The following PIWIL4 variants were observed in gnomAD, a reference collection of about 807,000 sequenced individuals.
PIWIL4 encodes piwi-like protein 4.
PIWIL4 carries 50 observed loss-of-function variants against 100.9 expected under a neutral mutation model. The observed-to-expected ratio is 0.50, with a 90% CI of 0.39 to 0.63. The LOEUF is 0.63. Among genes scored for constraint, PIWIL4 ranks in the 20% least tolerant of loss-of-function variants. The pLI, the probability that PIWIL4 is intolerant of heterozygous loss-of-function variation, is 0.00. For missense variants in PIWIL4, 887 were observed against 1,043.3 expected (o/e 0.85, Z 2.06); for synonymous variants, 342 against 367.5 (o/e 0.93, Z 0.79).
Position 94,607,479 on chromosome 11 carries a change from A to T in PIWIL4, c.1679A>T (p.Asp560Val). ...ILPSNQKTYY[D>V]SIKKYLSSDC... Reference sequence around the variant, plus strand: ...CCTTCTAATCAGAAGACCTATTATGATTCCATTAAAAAATATTTGAGCTCA... The same window carrying T: ...CCTTCTAATCAGAAGACCTATTATGTTTCCATTAAAAAATATTTGAGCTCA... The change falls in exon 14 of 20, where the codon GAT becomes GTT. Residue 560 changes from aspartate (D) to valine (V), a missense_variant. By Grantham distance (152) the Asp-to-Val change is radical. Coordinates refer to ENST00000299001, the MANE Select transcript of PIWIL4 (RefSeq NM_152431.3). 1 of 1,614,004 alleles carries T rather than the reference A, an allele frequency of 6.2e-7. No homozygotes were observed. The highest frequency in any genetic ancestry group is 8.5e-7 in the Non-Finnish European group (1 of 1,179,976).
chr11:94,573,400 C>A (rs951171518), intron 2 of PIWIL4, among the ~76,000 whole-genome samples: 4 of 152,064 alleles, frequency 2.6e-5, no homozygotes, highest in South Asian at 2.1e-4. Flanking sequence ...GTTTTTGCCC[C>A]TTCAGTATGA....
At position 94,610,356 on chromosome 11, in the gene PIWIL4, A is replaced by G. The variant is rs564078542; in HGVS notation, c.1943+1670A>G. On this transcript the variant is annotated intron_variant, in intron 15 of 19. Transcript: ENST00000299001. The stretch of plus-strand genomic sequence containing the variant: ...CATACTGATTTCTTTTCCTTTGGAT[A>G]TATAGCCAGAGTGGGATTTCTGGAT... Among the ~76,000 whole-genome samples, 30 of 152,298 alleles carry G rather than the reference A, an allele frequency of 2.0e-4. 1 individual carries two copies. The South Asian group carries it at 4.8e-3, about 24-fold the overall frequency.
At chr11:94,582,232 T>C (rs1369814519) in intron 4 of PIWIL4, among the ~76,000 whole-genome samples, 3 of 152,074 alleles carry the variant, frequency 2.0e-5, no homozygotes, top group Admixed American at 6.6e-5. Context: ...ACATCCTTTG[T>C]TGTCTTAATC....
In PIWIL4 at chr11:94,621,124, A is replaced by G; in HGVS notation, c.*132A>G. 9.8e-6 allele frequency: 6 copies of G among 610,800 alleles called. No individual in the cohort carries two copies. Among genetic ancestry groups the G allele is most frequent in the Non-Finnish European group, 1.4e-5 (5 of 352,494 alleles). The allele number at this position is 610,800 out of a possible 1,614,324, so 37.8% of individuals were successfully genotyped here. A position where few individuals can be genotyped will look rare whatever the true frequency, so the allele number is the denominator to read the frequency against. ...CTTAGTTTTCATGTCTAGGAAAAAA[A>G]GCAAAACAACTTAATCTGAAACAGT... On this transcript the variant is annotated 3_prime_UTR_variant, in exon 20 of 20. Transcript: ENST00000299001.
chr11:94,571,838 C>G (rs1948158890), intron 2 of PIWIL4, among the ~76,000 whole-genome samples: 1 of 152,130 alleles, frequency 6.6e-6, no homozygotes, highest in African/African-American at 2.4e-5. Flanking sequence ...ATTTCTAGTT[C>G]TAGATCCTTG....
chr11:94,607,328 CT>C (rs1343348474), intron 13 of PIWIL4, 110 bp from the exon 14 acceptor site: 1 of 984,964 alleles, frequency 1.0e-6, no homozygotes, highest in Non-Finnish European at 1.5e-6. Context: ...TTCTTGGGAA[CT>C]TAAGGGTAAA....
At chr11:94,607,889 A>G (rs1341643543) in intron 14 of PIWIL4, among the ~76,000 whole-genome samples, 1 of 152,120 alleles carries the variant, frequency 6.6e-6, no homozygotes, top group Non-Finnish European at 1.5e-5. Flanking sequence ...CTATTTTAAA[A>G]TCTGTGTTCC....
intron 17 of PIWIL4, among the ~76,000 whole-genome samples, chr11:94,618,594 C>G (rs1446928223): frequency 2.6e-5 from 4 of 152,172 alleles, no homozygotes; most frequent in Non-Finnish European, 5.9e-5. Context: ...GAAATCAGAC[C>G]ATCCTGAACA....
In PIWIL4 at chr11:94,568,691, C is replaced by G. The variant is rs376307378; in HGVS notation, c.88-39C>G. The G allele has an allele frequency of 9.1e-5, 133 of 1,466,584 alleles. No individual in the cohort carries two copies. In the African/African-American group the frequency reaches 1.4e-3, roughly 16 times the overall value. The allele number at this position is 1,466,584 out of a possible 1,614,324, so 90.8% of individuals were successfully genotyped here. ...GATAATCTTTTGGTTTGTGACTTAC[C>G]ATTGTAAATCTGAACAAAACTTTTT... On this transcript the variant is annotated intron_variant, in intron 1 of 19. Transcript: ENST00000299001.
chr11:94,615,553 C>A (rs972112959), intron 15 of PIWIL4, among the ~76,000 whole-genome samples: 1 of 152,204 alleles, frequency 6.6e-6, no homozygotes, highest in Non-Finnish European at 1.5e-5. Context: ...TTGCTAATAT[C>A]ACTCAGGACT....
chr11:94,573,671 T>G lies in PIWIL4; in HGVS notation c.167-1328T>G, dbSNP rs922175573. Among the ~76,000 whole-genome samples the G allele has an allele frequency of 3.9e-5, 6 of 152,346 alleles. No individual in the cohort carries two copies. The East Asian group carries it at 1.2e-3, about 29-fold the overall frequency. Reference sequence around the variant, plus strand: ...ATCGTGGTGGATAAGCTTTTTGATATGCGCACATTGTTATGAACAGTGAAT... The same window carrying G: ...ATCGTGGTGGATAAGCTTTTTGATAGGCGCACATTGTTATGAACAGTGAAT... On this transcript the variant is annotated intron_variant, in intron 2 of 19. Coordinates refer to ENST00000299001, the MANE Select transcript of PIWIL4 (RefSeq NM_152431.3).
chr11:94,569,642 T>A (rs990833925), intron 2 of PIWIL4, among the ~76,000 whole-genome samples: 1 of 152,168 alleles, frequency 6.6e-6, no homozygotes. Flanking sequence ...CTTCCCAAAG[T>A]GCTGGGATTA....
At chr11:94,593,732 G>T in intron 9 of PIWIL4, 91 bp downstream of exon 9, 1 of 1,415,624 alleles carries the variant, frequency 7.1e-7, no homozygotes, top group South Asian at 1.4e-5. Flanking sequence ...TTACATGAAT[G>T]CCAGGACATC....
chr11:94,583,386 T>A, intron 4 of PIWIL4, 62 bp from the exon 5 acceptor site: 1 of 1,570,662 alleles, frequency 6.4e-7, no homozygotes, highest in Non-Finnish European at 8.7e-7. Flanking sequence ...GGCTTTATAA[T>A]CTGCATTCTG....
rs1415871136 is a variant in PIWIL4 at position 94,601,886 on chromosome 11, G to A, written c.1472G>A (p.Cys491Tyr). 5 of 1,614,018 alleles carry A rather than the reference G, an allele frequency of 3.1e-6. No homozygotes were observed. The African/African-American group carries it at 6.7e-5, about 22-fold the overall frequency. Residue 491 changes from cysteine (C) to tyrosine (Y), a missense_variant, in exon 12 of 20, where the codon TGT (cysteine) becomes TAT (tyrosine). By Grantham distance (194) the Cys-to-Tyr change is radical. This residue lies in a region of PIWIL4 where 741 missense variants were observed against 930.0 expected (regional missense o/e 0.80). Coordinates refer to ENST00000299001, the MANE Select transcript of PIWIL4 (RefSeq NM_152431.3). ...TCTTTGAATACCTGGTTGATTTTAT[G>A]TAGCGACAGAACTGAATATGTTGCC... Reference protein sequence around the residue: ...AQSLNTWLILCSDRTEYVAES... With the variant: ...AQSLNTWLILYSDRTEYVAES...
intron 3 of PIWIL4, among the ~76,000 whole-genome samples, chr11:94,576,568 C>T (rs1418378946): frequency 6.6e-6 from 1 of 152,166 alleles, no homozygotes; most frequent in Non-Finnish European, 1.5e-5. Flanking sequence ...CTGACTATAT[C>T]GTGGCCATCT....
At chr11:94,595,482 C>A in intron 10 of PIWIL4, 56 bp downstream of exon 10, 1 of 1,267,896 alleles carries the variant, frequency 7.9e-7, no homozygotes, top group Non-Finnish European at 1.1e-6. Context: ...ATTAGATGGC[C>A]TATGTAACAC....
intron 15 of PIWIL4, among the ~76,000 whole-genome samples, chr11:94,614,366 G>T (rs1218528616): frequency 6.8e-6 from 1 of 146,652 alleles, no homozygotes; most frequent in African/African-American, 2.5e-5. Context: ...GGAGTGTGGT[G>T]GTGCGATCTC....
chr11:94,576,891 T>C (rs887446209), intron 3 of PIWIL4, among the ~76,000 whole-genome samples: 4 of 152,228 alleles, frequency 2.6e-5, no homozygotes, highest in Admixed American at 2.6e-4. Context: ...AGAACCAGAC[T>C]GTTTCTTTAT....
Sources: allele counts gnomAD v4.1 joint callset (sites outside exome capture counted in the v4.1 genomes callset), GRCh38; gene constraint gnomAD v4.1.1; regional missense constraint gnomAD v4.1.1; transcripts MANE v1.5; gene names NCBI Gene and HGNC (gene_info 2026-07-23, HGNC 2026-07-21).